The following DLGAP2 variants were observed in gnomAD, a reference collection of about 807,000 sequenced individuals.
DLGAP2 encodes the protein DLG associated protein 2.
DLGAP2 carries 26 observed loss-of-function variants against 100.3 expected under a neutral mutation model. The observed-to-expected ratio is 0.26, with a 90% confidence interval of 0.19 to 0.36. DLGAP2 has a LOEUF of 0.36. DLGAP2 is among the 10% of genes least tolerant of loss of function. The pLI is 1.00. For missense variants in DLGAP2, 1,858 were observed against 1,453.2 expected (o/e 1.28, Z -4.53); for synonymous variants, 886 against 630.1 (o/e 1.41, Z -6.08).
chr8:1,275,729 A>T (rs867137254), intron 3 of DLGAP2, among the ~76,000 whole-genome samples: 2 of 112,834 alleles, frequency 1.8e-5, no homozygotes, highest in African/African-American at 3.2e-5. Context: ...TATATATATA[A>T]AATATATGTA....
At chr8:1,263,331 T>C (rs191801954) in intron 3 of DLGAP2, among the ~76,000 whole-genome samples, 1 of 152,320 alleles carries the variant, frequency 6.6e-6, no homozygotes, top group East Asian at 1.9e-4. Context: ...TAAATCTGTT[T>C]TCATTTTTGT....
At chr8:761,447 G>C (rs1821080873) in intron 1 of DLGAP2, among the ~76,000 whole-genome samples, 1 of 152,226 alleles carries the variant, frequency 6.6e-6, no homozygotes, top group African/African-American at 2.4e-5. Context: ...CGTTATTCAC[G>C]TAATAATGGC....
chr8:975,306 CA>C (rs1800134591), intron 2 of DLGAP2, among the ~76,000 whole-genome samples: 1 of 152,140 alleles, frequency 6.6e-6, no homozygotes, highest in Admixed American at 6.5e-5. Context: ...TGAATTCTAT[CA>C]AATATTTAAG....
chr8:1,267,923 C>T (rs1234448560), intron 3 of DLGAP2, among the ~76,000 whole-genome samples: 1 of 152,142 alleles, frequency 6.6e-6, no homozygotes, highest in Non-Finnish European at 1.5e-5. Context: ...ATACATAAAG[C>T]TGGCTTCATG....
At position 1,078,689 on chromosome 8, in the gene DLGAP2, C is replaced by G. The variant is rs79703532; in HGVS notation, c.73+170723C>G. Among the ~76,000 whole-genome samples the G allele has an allele frequency of 6.0e-3, 916 of 152,258 alleles. 14 individuals are homozygous for G. The highest frequency in any genetic ancestry group is 0.02 in the African/African-American group (822 of 41,554). On this transcript the variant is annotated intron_variant, in intron 2 of 14. Coordinates refer to ENST00000637795, the MANE Select transcript of DLGAP2 (RefSeq NM_001346810.2). ...AACCTTTTCAGATGGGCTTTTTTCA[C>G]TTAGTGATATGCATTTAATTTTCTT... is the stretch of plus-strand genomic sequence containing the variant.
intron 6 of DLGAP2, among the ~76,000 whole-genome samples, chr8:1,591,296 C>CG (rs1046488447): frequency 1.6e-4 from 24 of 152,240 alleles, no homozygotes; most frequent in Non-Finnish European, 2.6e-4. Flanking sequence ...ACCCCCTCCC[C>CG]CTCCCTCTTC....
At chr8:980,059 G>C (rs1383547765) in intron 2 of DLGAP2, among the ~76,000 whole-genome samples, 1 of 152,206 alleles carries the variant, frequency 6.6e-6, no homozygotes, top group Admixed American at 6.5e-5. Context: ...TTCAGTGACT[G>C]GGAAAACGAT....
intron 2 of DLGAP2, among the ~76,000 whole-genome samples, chr8:1,042,427 C>G (rs1482075242): frequency 1.3e-5 from 2 of 152,226 alleles, no homozygotes; most frequent in Non-Finnish European, 2.9e-5. Flanking sequence ...TTGAATCTGT[C>G]AGATCACTTG....
At chr8:1,272,106 A>T (rs1799595689) in intron 3 of DLGAP2, among the ~76,000 whole-genome samples, 1 of 152,210 alleles carries the variant, frequency 6.6e-6, no homozygotes, top group African/African-American at 2.4e-5. Flanking sequence ...ATGAGCAACC[A>T]TGCCTAGCCT....
At chr8:1,693,242 CAT>C (rs956946650) in intron 13 of DLGAP2, among the ~76,000 whole-genome samples, 9 of 147,794 alleles carry the variant, frequency 6.1e-5, no homozygotes, top group Non-Finnish European at 1.2e-4. Context: ...ATATATAAAA[CAT>C]GTAAGTTTAC....
intron 3 of DLGAP2, among the ~76,000 whole-genome samples, chr8:1,353,623 G>A (rs1425994845): frequency 6.6e-6 from 1 of 152,160 alleles, no homozygotes; most frequent in African/African-American, 2.4e-5. Context: ...CCCATTATAA[G>A]GTGAGGGGTA....
At chr8:828,934 C>G (rs1319988789) in intron 1 of DLGAP2, among the ~76,000 whole-genome samples, 7 of 152,176 alleles carry the variant, frequency 4.6e-5, no homozygotes, top group Admixed American at 3.3e-4. Flanking sequence ...AGAAGCAACT[C>G]TGTATTAAAA....
At position 1,702,079 on chromosome 8, in the gene DLGAP2, G is replaced by A. The variant is rs911881636; in HGVS notation, c.*673G>A. ...CAGGCGATGACAAGTCTGAACCCAC[G>A]AAAATACCCAGCGCAGCATCTACAC... On this transcript the variant is annotated 3_prime_UTR_variant, in exon 15 of 15. Coordinates refer to ENST00000637795, the MANE Select transcript of DLGAP2 (RefSeq NM_001346810.2). 8.5e-5 allele frequency: 13 copies of A among 152,286 alleles called. No individual in the cohort carries two copies. The highest frequency in any genetic ancestry group is 2.6e-4 in the African/African-American group (11 of 41,544). 9.4% of individuals were successfully genotyped at this position (152,286 alleles called of 1,614,324 possible). A position where few individuals can be genotyped will look rare whatever the true frequency, so the allele number is the denominator to read the frequency against.
chr8:1,368,103 C>T (rs1273522686), intron 3 of DLGAP2, among the ~76,000 whole-genome samples: 1 of 152,082 alleles, frequency 6.6e-6, no homozygotes, highest in Non-Finnish European at 1.5e-5. Context: ...GTGTTGAGTG[C>T]TGATTGTATG....
chr8:1,033,354 A>G (rs910245396), intron 2 of DLGAP2, among the ~76,000 whole-genome samples: 2 of 152,152 alleles, frequency 1.3e-5, no homozygotes, highest in Non-Finnish European at 2.9e-5. Context: ...GAAAAATGGG[A>G]TGAATGAAGA....
In DLGAP2 at chr8:1,256,658, C is replaced by T. The variant is rs533206345; in HGVS notation, c.74-2193C>T. ...CGCGCCTCCTGCAATCAGATGCCCG[C>T]GTGGGGAGTCTCACCTTGGAAACTG... On this transcript the variant is annotated intron_variant, in intron 2 of 14. Coordinates refer to ENST00000637795, the MANE Select transcript of DLGAP2 (RefSeq NM_001346810.2). Among the ~76,000 whole-genome samples the T allele has an allele frequency of 3.3e-5, 5 of 151,590 alleles. No individual in the cohort carries two copies. The East Asian group carries it at 7.7e-4, about 23-fold the overall frequency.
intron 6 of DLGAP2, among the ~76,000 whole-genome samples, chr8:1,620,085 C>G (rs1375696782): frequency 6.6e-6 from 1 of 152,220 alleles, no homozygotes; most frequent in African/African-American, 2.4e-5. Flanking sequence ...CTCAAATCGC[C>G]TGTCCTCTCT....
chr8:1,337,361 GGATGACAGTGATGAT>G, intron 3 of DLGAP2, among the ~76,000 whole-genome samples: 2 of 24,976 alleles, frequency 8.0e-5, no homozygotes, highest in Non-Finnish European at 2.5e-4. Context: ...ATGGGGGTGA[GGATGACAGTGATGAT>G]GATGGTGATG....
In DLGAP2 at chr8:1,657,141, G is replaced by C. The variant is rs796606620; in HGVS notation, c.1811-11188G>C. ...CAGGTCAGGTCTTCAGAAACTTTCAGTTATTAAACAATCATTTCTTCTTCT... is the reference window on the plus strand; with the variant it reads ...CAGGTCAGGTCTTCAGAAACTTTCACTTATTAAACAATCATTTCTTCTTCT... On this transcript the variant is annotated intron_variant, in intron 8 of 14. Coordinates refer to ENST00000637795, the MANE Select transcript of DLGAP2 (RefSeq NM_001346810.2). Among the ~76,000 whole-genome samples the C allele has an allele frequency of 1.9e-4, 29 of 152,182 alleles. 1 individual carries two copies. Among genetic ancestry groups the C allele is most frequent in the African/African-American group, 7.0e-4 (29 of 41,534 alleles).
Sources: gnomAD v4.1 joint callset for allele counts (sites outside exome capture counted in the v4.1 genomes callset) on GRCh38, gnomAD v4.1.1 for gene constraint, MANE v1.5 for transcripts, NCBI Gene and HGNC (gene_info 2026-07-23, HGNC 2026-07-21) for gene names.